OPN1SW: variants seen among roughly 807,000 people sequenced by gnomAD.
The protein encoded by OPN1SW is opsin 1, short wave sensitive, also known as short-wave-sensitive opsin 1.
A neutral mutation model predicts 31.9 loss-of-function variants in OPN1SW; 25 were observed. The ratio of observed to expected loss-of-function variants is 0.78; its 90% CI spans 0.57 to 1.09. The LOEUF (loss-of-function observed/expected upper bound fraction) is 1.09. OPN1SW is among the 50% of genes least tolerant of loss of function. The pLI is 0.00. For missense variants in OPN1SW, 424 were observed against 448.0 expected, an observed-to-expected ratio of 0.95 and a Z score of 0.48; for synonymous variants, 190 against 171.9, an observed-to-expected ratio of 1.11 and a Z score of -0.82.
At chr7:128,774,323 T>C (rs549522358) in intron 3 of OPN1SW, among the ~76,000 whole-genome samples, 175 bp downstream of exon 3, 1 of 152,264 alleles carries the variant, frequency 6.6e-6, no homozygotes, top group African/African-American at 2.4e-5. Context: ...TTCTGTCCCA[T>C]CTCCTGGCCT....
chr7:128,775,653 A>G lies in OPN1SW; in HGVS notation c.129T>C (p.Leu43=), dbSNP rs1392166726. ...LQAAFMGTVF[L]IGFPLNAMVL... is the part of the protein sequence containing the mutation. ...CCATGGCATTGAGTGGGAACCCTAT[A>G]AGGAAGACAGTGCCCATGAAAGCTG... The change falls in exon 1 of 5, where the codon CTT becomes CTC. Residue 43 remains leucine (L), a synonymous_variant. Coordinates refer to ENST00000249389, the MANE Select transcript of OPN1SW (RefSeq NM_001385125.1). 3 of 1,614,136 alleles carry G rather than the reference A, an allele frequency of 1.9e-6. No individual in the cohort carries two copies. The highest frequency in any genetic ancestry group is 1.7e-6 in the Non-Finnish European group (2 of 1,180,006).
Position 128,775,183 on chromosome 7 carries a change from A to G in OPN1SW, c.344-29T>C, listed in dbSNP as rs339040. 2.9e-3 allele frequency: 4,603 copies of G among 1,608,260 alleles called. 121 individuals carry two copies. The African/African-American group carries it at 0.054, about 19-fold the overall frequency. On this transcript the variant is annotated intron_variant, in intron 1 of 4. Coordinates refer to ENST00000249389, the MANE Select transcript of OPN1SW (RefSeq NM_001385125.1). ...TGGTGAAATGTGAGGATAATGGGCT[A>G]GACAGAGCCCCACCCAGCCTGGCTG...
chr7:128,774,398 C>A, intron 3 of OPN1SW, 100 bp downstream of exon 3: 1 of 1,490,276 alleles, frequency 6.7e-7, no homozygotes. Context: ...GATACCCTCT[C>A]TGGCTATGGA....
intron 2 of OPN1SW, 74 bp downstream of exon 2, chr7:128,774,912 A>G (rs756537598): frequency 8.2e-6 from 13 of 1,586,894 alleles, no homozygotes; most frequent in Non-Finnish European, 1.1e-5. Flanking sequence ...CTAAATAGTT[A>G]TACCCAAGCT....
rs748885887 is a variant in OPN1SW at position 128,773,675 on chromosome 7, T to C, written c.892A>G (p.Ile298Val). The C allele has an allele frequency of 6.2e-7, 1 of 1,614,130 alleles. No individual in the cohort carries two copies. Among genetic ancestry groups the C allele is most frequent in the Admixed American group, 1.7e-5 (1 of 60,016 alleles). Reference protein sequence around the residue: ...FSKSACIYNPIIYCFMNKQFQ... With the variant: ...FSKSACIYNPVIYCFMNKQFQ... ...TGCTTATTCATGAAGCAGTAGATGA[T>C]GGGATTGTAGATGCAAGCACTCTTG... The change falls in exon 4 of 5, where the codon ATC (isoleucine) becomes GTC (valine). Residue 298 changes from isoleucine to valine, a missense_variant. By Grantham distance (29) the Ile-to-Val change is conservative. Coordinates refer to ENST00000249389, the MANE Select transcript of OPN1SW (RefSeq NM_001385125.1).
chr7:128,775,644 G>A lies in OPN1SW; in HGVS notation c.138C>T (p.Phe46=), dbSNP rs1801747884. ...AFMGTVFLIG[F]PLNAMVLVAT... is the part of the protein sequence containing the mutation. ...CCACCAGCACCATGGCATTGAGTGG[G>A]AACCCTATAAGGAAGACAGTGCCCA... The change falls in exon 1 of 5, where the codon TTC becomes TTT. Residue 46 remains phenylalanine (F), a synonymous_variant. Transcript: ENST00000249389. The A allele has an allele frequency of 1.2e-6, 2 of 1,614,160 alleles. No individual in the cohort carries two copies. The highest frequency in any genetic ancestry group is 1.7e-6 in the Non-Finnish European group (2 of 1,180,014).
Position 128,775,578 on chromosome 7 carries a change from G to A in OPN1SW, c.204C>T (p.Tyr68=). 1 of 1,614,146 alleles carries A rather than the reference G, an allele frequency of 6.2e-7. No homozygotes were observed. Residue 68 remains tyrosine (Y), a synonymous_variant, in exon 1 of 5, where the codon TAC becomes TAT. Coordinates refer to ENST00000249389, the MANE Select transcript of OPN1SW (RefSeq NM_001385125.1). ...RYKKLRQPLN[Y]ILVNVSFGGF... is the part of the protein sequence containing the mutation. ...CTCCGAAGGACACGTTGACCAGAAT[G>A]TAGTTGAGGGGCTGCCGCAACTTTT...
Position 128,775,485 on chromosome 7 carries a change from G to A in OPN1SW, c.297C>T (p.Phe99=), listed in dbSNP as rs760942735. 27 of 1,613,764 alleles carry A rather than the reference G, an allele frequency of 1.7e-5. No homozygotes were observed. Among genetic ancestry groups the A allele is most frequent in the Admixed American group, 1.0e-4 (6 of 59,984 alleles). Residue 99 remains phenylalanine, a synonymous_variant, in exon 1 of 5, where the codon TTC becomes TTT. Coordinates refer to ENST00000249389, the MANE Select transcript of OPN1SW (RefSeq NM_001385125.1). ...CCTCCAAAGCACAAACATGGCGACC[G>A]AAGACGAAGTATCCGTTACAGCTGG... ...FVASCNGYFV[F]GRHVCALEGF...
At position 128,775,521 on chromosome 7, in the gene OPN1SW, A is replaced by AG. The variant is rs775878041; in HGVS notation, c.260dup (p.Val88CysfsTer7). On this transcript the variant is annotated frameshift_variant, in exon 1 of 5. Coordinates refer to ENST00000249389, the MANE Select transcript of OPN1SW (RefSeq NM_001385125.1). LOFTEE classifies it high-confidence loss of function. ...ATCCGTTACAGCTGGCGACGAAGAC[A>AG]GGGAAGACAGAGAAGATGCAGAGGA... 1.6e-5 allele frequency: 26 copies of AG among 1,614,052 alleles called. No homozygotes were observed. In the Admixed American group the frequency reaches 2.5e-4, roughly 16 times the overall value.
rs1013919723 is a variant in OPN1SW at position 128,773,450 on chromosome 7, G to A, written c.918+199C>T. On this transcript the variant is annotated intron_variant, in intron 4 of 4. Coordinates refer to ENST00000249389, the MANE Select transcript of OPN1SW (RefSeq NM_001385125.1). ...TTTCCTGACTCAAGTTCTTTCCTCC[G>A]GGGTTCTATTTTCTCGTCTTGATAA... Among the ~76,000 whole-genome samples the A allele has an allele frequency of 3.9e-5, 6 of 151,978 alleles. No individual in the cohort carries two copies. In the East Asian group the frequency reaches 9.7e-4, roughly 24 times the overall value.
intron 2 of OPN1SW, 99 bp from the exon 3 acceptor site, chr7:128,774,762 C>T (rs1469131719): frequency 1.3e-6 from 2 of 1,534,460 alleles, no homozygotes; most frequent in Non-Finnish European, 8.9e-7. Flanking sequence ...CCACGGAATG[C>T]CCTAAGGCTT....
chr7:128,772,772 C>T (rs1801640411), intron 4 of OPN1SW, 113 bp from the exon 5 acceptor site: 1 of 1,431,786 alleles, frequency 7.0e-7, no homozygotes, highest in Non-Finnish European at 9.8e-7. Context: ...CCCAGAATGC[C>T]CTTAGGTGGT....
Position 128,775,688 on chromosome 7 carries a change from A to G in OPN1SW, c.94T>C (p.Tyr32His), listed in dbSNP as rs1266748633. 3 of 1,614,210 alleles carry G rather than the reference A, an allele frequency of 1.9e-6. No individual in the cohort carries two copies. In the African/African-American group the frequency reaches 4.0e-5, roughly 22 times the overall value. Residue 32 changes from tyrosine to histidine, a missense_variant, in exon 1 of 5, where the codon TAC (tyrosine) becomes CAC (histidine). Transcript: ENST00000249389. Reference sequence around the variant, plus strand: ...GTGCCCATGAAAGCTGCCTGGAGGTAGAAGGCCCAGACAGGGGCAATGTGG... The same window carrying G: ...GTGCCCATGAAAGCTGCCTGGAGGTGGAAGGCCCAGACAGGGGCAATGTGG... Reference protein sequence around the residue: ...QYHIAPVWAFYLQAAFMGTVF... With the variant: ...QYHIAPVWAFHLQAAFMGTVF...
chr7:128,775,509 G>T lies in OPN1SW; in HGVS notation c.273C>A (p.Ala91=), dbSNP rs370348532. Reference sequence around the variant, plus strand: ...CGAAGACGAAGTATCCGTTACAGCTGGCGACGAAGACAGGGAAGACAGAGA... The same window carrying T: ...CGAAGACGAAGTATCCGTTACAGCTTGCGACGAAGACAGGGAAGACAGAGA... ...CIFSVFPVFV[A]SCNGYFVFGR... Residue 91 remains alanine (A), a synonymous_variant, in exon 1 of 5, where the codon GCC becomes GCA. Transcript: ENST00000249389. 6 of 1,613,958 alleles carry T rather than the reference G, an allele frequency of 3.7e-6. No homozygotes were observed. The East Asian group carries it at 1.3e-4, about 36-fold the overall frequency.
chr7:128,773,593 G>A, intron 4 of OPN1SW, 56 bp downstream of exon 4: 1 of 1,611,928 alleles, frequency 6.2e-7, no homozygotes, highest in Non-Finnish European at 8.5e-7. Flanking sequence ...AAAAGTCAAT[G>A]GTGAGAAAAG....
At position 128,774,693 on chromosome 7, in the gene OPN1SW, ACT is replaced by A. The variant is rs771317062; in HGVS notation, c.513-32_513-31del. On this transcript the variant is annotated intron_variant, in intron 2 of 4. Transcript: ENST00000249389. ...AAAGGACCAAACACTTGCTCACTGG[ACT>A]CTCCACAAGAGTGCAGTGGGAGCTG... 5.0e-6 allele frequency: 8 copies of A among 1,613,550 alleles called. No homozygotes were observed. The Admixed American group carries it at 5.0e-5, about 10-fold the overall frequency.
chr7:128,774,334 A>G (rs553431834), intron 3 of OPN1SW, among the ~76,000 whole-genome samples, 164 bp downstream of exon 3: 1 of 152,062 alleles, frequency 6.6e-6, no homozygotes, highest in Non-Finnish European at 1.5e-5. Flanking sequence ...CTCCTGGCCT[A>G]GTTCCTTTGG....
intron 3 of OPN1SW, 60 bp downstream of exon 3, chr7:128,774,437 AC>A: frequency 6.3e-7 from 1 of 1,599,056 alleles, no homozygotes; most frequent in Non-Finnish European, 8.5e-7. Flanking sequence ...GTTTCAGAGC[AC>A]TCTTCCTTCT....
Position 128,775,421 on chromosome 7 carries a change from CT to C in OPN1SW, c.343+17del. Reference sequence around the variant, plus strand: ...AGCAACCTTTGCCTTCCCCTAACCCCTTTTTCCCCTGCAGTACCTGCTACAG... The same window carrying C: ...AGCAACCTTTGCCTTCCCCTAACCCCTTTTCCCCTGCAGTACCTGCTACAG... On this transcript the variant is annotated intron_variant, in intron 1 of 4. Coordinates refer to ENST00000249389, the MANE Select transcript of OPN1SW (RefSeq NM_001385125.1). 1.9e-6 allele frequency: 3 copies of C among 1,607,574 alleles called. No individual in the cohort carries two copies. Among genetic ancestry groups the C allele is most frequent in the Admixed American group, 1.7e-5 (1 of 59,792 alleles).
Sources: allele counts gnomAD v4.1 joint callset (sites outside exome capture counted in the v4.1 genomes callset), GRCh38; gene constraint gnomAD v4.1.1; transcripts MANE v1.5; gene names NCBI Gene and HGNC (gene_info 2026-07-23, HGNC 2026-07-21).